The following GLOD5 variants were observed in gnomAD, a reference collection of about 807,000 sequenced individuals.
GLOD5 encodes the protein glyoxalase domain containing 5, also known as glyoxalase domain-containing protein 5.
In GLOD5, 7 loss-of-function variants were observed where a neutral mutation model predicts 9.9. The ratio of observed to expected loss-of-function variants is 0.71; its 90% CI spans 0.40 to 1.33. GLOD5 has a LOEUF of 1.33. GLOD5 is among the 40% of genes most tolerant of loss of function. The pLI is 0.01. For missense variants in GLOD5, 146 were observed against 128.4 expected, an observed-to-expected ratio of 1.14 and a Z score of -0.66; for synonymous variants, 49 against 47.3, an observed-to-expected ratio of 1.04 and a Z score of -0.14.
chrX:48,762,152 T>C (rs1383037862), intron 1 of GLOD5: 6 of 238,054 alleles, frequency 2.5e-5, no homozygotes, highest in Admixed American at 5.9e-5. Context: ...AAAGCTGTCA[T>C]GATTAAGGCC....
chrX:48,762,003 T>C (rs1263586593), intron 1 of GLOD5, 150 bp downstream of exon 1: 6 of 484,526 alleles, frequency 1.2e-5, no homozygotes, highest in South Asian at 3.4e-5. Flanking sequence ...CAGAGGCCCA[T>C]GGAAAGGCCC....
At chrX:48,761,936 G>C in intron 1 of GLOD5, 83 bp downstream of exon 1, 2 of 750,697 alleles carry the variant, frequency 2.7e-6, no homozygotes, top group Non-Finnish European at 4.0e-6. Flanking sequence ...TTCTCTGCGG[G>C]CTCCCATTTC....
chrX:48,771,404 C>T (rs1429194255), intron 3 of GLOD5, among the ~76,000 whole-genome samples: 1 of 108,367 alleles, frequency 9.2e-6, no homozygotes, highest in African/African-American at 3.4e-5. Context: ...CAACCTCCAC[C>T]TCCTGGGTTC....
At chrX:48,769,942 G>A (rs1316142947) in intron 2 of GLOD5, among the ~76,000 whole-genome samples, 3 of 99,610 alleles carry the variant, frequency 3.0e-5, no homozygotes, top group East Asian at 6.3e-4. Context: ...TCACTGCACT[G>A]AAGGCTGGGC....
chrX:48,765,639 GT>G (rs1557016583), intron 1 of GLOD5, 195 bp from the exon 2 acceptor site: 1 of 517,969 alleles, frequency 1.9e-6, no homozygotes, highest in Non-Finnish European at 3.5e-6. Flanking sequence ...AGTGGTCATG[GT>G]AGACATGTGG....
Position 48,773,534 on chromosome X carries a change from G to A in GLOD5, c.*99G>A. On this transcript the variant is annotated 3_prime_UTR_variant, in exon 4 of 4. Transcript: ENST00000303227. The stretch of plus-strand genomic sequence containing the variant: ...GGCCCAGAGATCTCCAAAGACTGAG[G>A]ACTTAGGCACTTCACACATCCTGCT... 1.0e-6 allele frequency: 1 copy of A among 966,031 alleles called. No homozygotes were observed. The highest frequency in any genetic ancestry group is 1.4e-6 in the Non-Finnish European group (1 of 700,221). The allele number at this position is 966,031 out of a possible 1,213,427, so 79.6% of individuals were successfully genotyped here.
rs141647599 is a variant in GLOD5, at chrX:48,773,432, G to A, written c.480G>A (p.Ser160=). The A allele has an allele frequency of 5.5e-4, 668 of 1,206,015 alleles. 2 individuals are homozygous for A. In the African/African-American group the frequency reaches 0.01, roughly 18 times the overall value. ...NLIEVSNYIS[S] ...TTGAGGTGTCCAACTACATCTCCTC[G>A]TGATGGAGGCTGGACCTCCTCCATT... The change falls in exon 4 of 4, where the codon TCG becomes TCA. Residue 160 remains serine (S), a synonymous_variant. Transcript: ENST00000303227.
At chrX:48,765,627 A>C in intron 1 of GLOD5, 1 of 494,657 alleles carries the variant, frequency 2.0e-6, no homozygotes, top group South Asian at 2.4e-5. Context: ...GAAACAGTGG[A>C]AAGTGGTCAT....
intron 3 of GLOD5, among the ~76,000 whole-genome samples, chrX:48,771,535 C>T (rs1489785501): frequency 1.8e-5 from 2 of 111,043 alleles, no homozygotes; most frequent in Non-Finnish European, 3.8e-5. Context: ...AGGCTGGTCT[C>T]AAACTCCTGA....
chrX:48,766,005 G>A, intron 2 of GLOD5, 33 bp downstream of exon 2: 3 of 1,179,123 alleles, frequency 2.5e-6, no homozygotes, highest in Non-Finnish European at 3.4e-6. Context: ...AAATTCAGGT[G>A]GGCTAAAATT....
rs1557016658 is a variant in GLOD5, at chrX:48,765,981, T to C, written c.201+9T>C. ...AGGTCATGACTTTTAAGGTAAGCAC[T>C]TCCCCAAATGCCAAAATTCAGGTGG... On this transcript the variant is annotated intron_variant, in intron 2 of 3. Coordinates refer to ENST00000303227, the MANE Select transcript of GLOD5 (RefSeq NM_001080489.3). 8.3e-7 allele frequency: 1 copy of C among 1,203,050 alleles called. No homozygotes were observed. The highest frequency in any genetic ancestry group is 2.2e-5 in the Admixed American group (1 of 45,282).
At chrX:48,772,508 T>C (rs2062625065) in intron 3 of GLOD5, among the ~76,000 whole-genome samples, 1 of 111,573 alleles carries the variant, frequency 9.0e-6, no homozygotes, top group Admixed American at 9.6e-5. Context: ...CACTCCATTC[T>C]AGTCAGTGTG....
At chrX:48,766,690 G>A (rs1287174953) in intron 2 of GLOD5, among the ~76,000 whole-genome samples, 6 of 109,940 alleles carry the variant, frequency 5.5e-5, no homozygotes, top group African/African-American at 2.0e-4. Flanking sequence ...GGCAGAGGTT[G>A]CAGTGAGCTG....
chrX:48,769,808 T>C (rs1309042221), intron 2 of GLOD5, among the ~76,000 whole-genome samples: 8 of 104,569 alleles, frequency 7.7e-5, no homozygotes, highest in African/African-American at 1.1e-4. Context: ...GGAGACCCGG[T>C]CTCTACAAAA....
At chrX:48,764,519 ATTAT>A (rs2062604117) in intron 1 of GLOD5, among the ~76,000 whole-genome samples, 2 of 108,824 alleles carry the variant, frequency 1.8e-5, no homozygotes, top group South Asian at 7.9e-4. Context: ...AATTAGATAA[ATTAT>A]TTAAACGTCA....
In GLOD5 at chrX:48,773,554, C is replaced by A; in HGVS notation, c.*119C>A. ...CTGAGGACTTAGGCACTTCACACAT[C>A]CTGCTGAGGGGGGACCCAAGACAGG... On this transcript the variant is annotated 3_prime_UTR_variant, in exon 4 of 4. Transcript: ENST00000303227. 2.5e-6 allele frequency: 2 copies of A among 801,221 alleles called. No individual in the cohort carries two copies. Among genetic ancestry groups the A allele is most frequent in the Non-Finnish European group, 3.6e-6 (2 of 559,575 alleles). 66.0% of individuals were successfully genotyped at this position (801,221 alleles called of 1,213,427 possible).
chrX:48,770,968 C>T lies in GLOD5; in HGVS notation c.243C>T (p.Asn81=). 1.7e-6 allele frequency: 2 copies of T among 1,199,777 alleles called. No homozygotes were observed. Among genetic ancestry groups the T allele is most frequent in the Non-Finnish European group, 2.3e-6 (2 of 888,792 alleles). ...TGTGTTTTGGAGACCAGAAATTTAA[C>T]CTCCACGAGGTGGGAAAGGAATTTG... The part of the protein sequence containing the change: ...KALCFGDQKF[N]LHEVGKEFEP... Residue 81 remains asparagine, a synonymous_variant, in exon 3 of 4, where the codon AAC becomes AAT. Coordinates refer to ENST00000303227, the MANE Select transcript of GLOD5 (RefSeq NM_001080489.3).
chrX:48,765,988 A>C lies in GLOD5; in HGVS notation c.201+16A>C. 1.7e-6 allele frequency: 2 copies of C among 1,199,926 alleles called. No homozygotes were observed. Among genetic ancestry groups the C allele is most frequent in the Non-Finnish European group, 2.3e-6 (2 of 887,657 alleles). ...GACTTTTAAGGTAAGCACTTCCCCA[A>C]ATGCCAAAATTCAGGTGGGCTAAAA... On this transcript the variant is annotated intron_variant, in intron 2 of 3. Transcript: ENST00000303227.
intron 3 of GLOD5, among the ~76,000 whole-genome samples, chrX:48,772,626 C>G (rs1009060947): frequency 9.0e-6 from 1 of 111,496 alleles, no homozygotes; most frequent in Non-Finnish European, 1.9e-5. Context: ...ATAACCTAGA[C>G]TCCTTCTTTG....
Sources: allele counts gnomAD v4.1 joint callset (sites outside exome capture counted in the v4.1 genomes callset), GRCh38; gene constraint gnomAD v4.1.1; transcripts MANE v1.5; gene names NCBI Gene and HGNC (gene_info 2026-07-23, HGNC 2026-07-21).